Variants in MPDZ observed in about 807,000 individuals in gnomAD.
MPDZ encodes the protein multiple PDZ domain protein.
A neutral mutation model predicts 239.1 loss-of-function variants in MPDZ; 234 were observed. That is an observed-to-expected ratio of 0.98 (90% CI 0.88 to 1.09). MPDZ has a LOEUF of 1.09. Among genes scored for constraint, MPDZ ranks in the 50% least tolerant of loss-of-function variants. MPDZ has a pLI of 0.00. For missense variants in MPDZ, 3,175 were observed against 2,510.0 expected (o/e 1.26, Z -5.66); for synonymous variants, 1,048 against 881.3 (o/e 1.19, Z -3.35).
At chr9:13,226,865 A>G (rs1960790644) in intron 3 of MPDZ, among the ~76,000 whole-genome samples, 1 of 152,088 alleles carries the variant, frequency 6.6e-6, no homozygotes, top group African/African-American at 2.4e-5. Context: ...ATGTTTATCT[A>G]TTTTTTAAGG....
At chr9:13,173,342 C>T (rs1159142783) in intron 21 of MPDZ, among the ~76,000 whole-genome samples, 1 of 152,014 alleles carries the variant, frequency 6.6e-6, no homozygotes, top group African/African-American at 2.4e-5. Context: ...ATAAGAAAAT[C>T]CATATAATCT....
intron 1 of MPDZ, among the ~76,000 whole-genome samples, chr9:13,267,728 T>C (rs1372651169): frequency 6.6e-6 from 1 of 152,056 alleles, no homozygotes; most frequent in Non-Finnish European, 1.5e-5. Flanking sequence ...GAAGAAATAA[T>C]TGAGGAAGCT....
At chr9:13,113,176 C>T (rs548107981) in intron 41 of MPDZ, 122 bp from the exon 42 acceptor site, 2 of 752,454 alleles carry the variant, frequency 2.7e-6, no homozygotes, top group East Asian at 2.7e-5. Flanking sequence ...TAAGGGGGTG[C>T]TCAAAGCTGC....
intron 24 of MPDZ, among the ~76,000 whole-genome samples, chr9:13,156,823 T>G (rs1949877699): frequency 6.6e-6 from 1 of 152,208 alleles, no homozygotes; most frequent in Non-Finnish European, 1.5e-5. Flanking sequence ...TTAACTTATT[T>G]CTACCTCTAT....
At chr9:13,209,922 A>C (rs1459935989) in intron 10 of MPDZ, among the ~76,000 whole-genome samples, 2 of 152,002 alleles carry the variant, frequency 1.3e-5, no homozygotes, top group African/African-American at 4.8e-5. Flanking sequence ...AGGCTGAGCT[A>C]GGAAATCCAA....
At chr9:13,254,801 A>G (rs1969020784) in intron 1 of MPDZ, among the ~76,000 whole-genome samples, 1 of 152,230 alleles carries the variant, frequency 6.6e-6, no homozygotes, top group South Asian at 2.1e-4. Context: ...AAAAAATGCT[A>G]GTGATCATCT....
At chr9:13,262,874 T>C (rs1452983944) in intron 1 of MPDZ, among the ~76,000 whole-genome samples, 5 of 152,066 alleles carry the variant, frequency 3.3e-5, no homozygotes, top group African/African-American at 7.2e-5. Flanking sequence ...AAATAGTATA[T>C]GGGCCACATA....
Position 13,222,415 on chromosome 9 carries a change from G to T in MPDZ, c.565C>A (p.Leu189Ile), listed in dbSNP as rs771293783. The T allele has an allele frequency of 1.2e-6, 2 of 1,612,458 alleles. No homozygotes were observed. The highest frequency in any genetic ancestry group is 1.7e-6 in the Non-Finnish European group (2 of 1,179,122). The change falls in exon 6 of 47, where the codon CTT becomes ATT. Residue 189 changes from leucine to isoleucine, a missense_variant. Coordinates refer to ENST00000319217, the MANE Select transcript of MPDZ (RefSeq NM_001378778.1). Reference protein sequence around the residue: ...DGRLKETDQILAINGQALDQT... With the variant: ...DGRLKETDQIIAINGQALDQT... ...TCAAGAGCCTGTCCATTGATAGCAAGAATTTGATCAGTTTCTTTCAATCTT... is the reference window on the plus strand; with the variant it reads ...TCAAGAGCCTGTCCATTGATAGCAATAATTTGATCAGTTTCTTTCAATCTT...
intron 21 of MPDZ, among the ~76,000 whole-genome samples, chr9:13,173,507 A>T (rs1952052096): frequency 6.6e-6 from 1 of 151,972 alleles, no homozygotes; most frequent in Admixed American, 6.6e-5. Flanking sequence ...GTTCAAGACC[A>T]ACCTGGGCAA....
Position 13,172,656 on chromosome 9 carries a change from G to A in MPDZ, c.3055+3096C>T, listed in dbSNP as rs1951937925. On this transcript the variant is annotated intron_variant, in intron 21 of 46. Coordinates refer to ENST00000319217, the MANE Select transcript of MPDZ (RefSeq NM_001378778.1). ...CTCGCCTTAGCCTCCCAAAGTGCTG[G>A]GATTACAGGCGTGAGCCACCGCGCC... is the stretch of plus-strand genomic sequence containing the variant. Among the ~76,000 whole-genome samples the A allele has an allele frequency of 2.0e-5, 3 of 152,194 alleles. No individual in the cohort carries two copies. In the South Asian group the frequency reaches 6.2e-4, roughly 32 times the overall value.
chr9:13,219,358 A>C (rs567093103), intron 8 of MPDZ, among the ~76,000 whole-genome samples: 1 of 152,144 alleles, frequency 6.6e-6, no homozygotes, highest in East Asian at 1.9e-4. Context: ...ATGTTTAAGC[A>C]ACCTATTTTT....
rs185102461 is a variant in MPDZ, at chr9:13,107,271, T to C, written c.6067-160A>G. Reference sequence around the variant, plus strand: ...CTAAGCCATTAAGCAATGATGAACATAGACAAAGAAGGTCTTTCTCCTAAA... The same window carrying C: ...CTAAGCCATTAAGCAATGATGAACACAGACAAAGAAGGTCTTTCTCCTAAA... On this transcript the variant is annotated intron_variant, in intron 46 of 46. Transcript: ENST00000319217. 8.6e-4 allele frequency among the ~76,000 whole-genome samples: 131 copies of C among 152,310 alleles called. 1 individual carries two copies. The highest frequency in any genetic ancestry group is 2.6e-3 in the African/African-American group (110 of 41,574).
intron 24 of MPDZ, among the ~76,000 whole-genome samples, chr9:13,155,325 G>A (rs1443165865): frequency 6.6e-6 from 1 of 151,962 alleles, no homozygotes; most frequent in South Asian, 2.1e-4. Context: ...TCCACTTCTG[G>A]ATATATTCCC....
intron 22 of MPDZ, among the ~76,000 whole-genome samples, chr9:13,166,968 A>C (rs972843945): frequency 6.6e-6 from 1 of 152,130 alleles, no homozygotes; most frequent in African/African-American, 2.4e-5. Flanking sequence ...GGCTAGTACC[A>C]AGTACTAATT....
chr9:13,176,635 A>C (rs142114114), intron 19 of MPDZ, among the ~76,000 whole-genome samples: 1 of 152,310 alleles, frequency 6.6e-6, no homozygotes, highest in East Asian at 1.9e-4. Context: ...CCTGAAAGTC[A>C]TACATCTCAC....
intron 23 of MPDZ, among the ~76,000 whole-genome samples, chr9:13,161,148 C>T (rs1233949194): frequency 2.0e-5 from 3 of 151,864 alleles, no homozygotes; most frequent in Non-Finnish European, 4.4e-5. Context: ...ATACCTTCCC[C>T]TTCCCTGACA....
rs555225853 is a variant in MPDZ, at chr9:13,117,982, T to C, written c.5379+1520A>G. Among the ~76,000 whole-genome samples, 30 of 151,968 alleles carry C rather than the reference T, an allele frequency of 2.0e-4. No homozygotes were observed. In the South Asian group the frequency reaches 6.0e-3, roughly 31 times the overall value. ...GCCTCAGCCTCCTGAGTAGCTGGGA[T>C]TACAGGCATGCGCTACCACACCTGG... On this transcript the variant is annotated intron_variant, in intron 39 of 46. Coordinates refer to ENST00000319217, the MANE Select transcript of MPDZ (RefSeq NM_001378778.1).
At chr9:13,277,667 C>T (rs939498654) in intron 1 of MPDZ, among the ~76,000 whole-genome samples, 7 of 152,116 alleles carry the variant, frequency 4.6e-5, no homozygotes, top group African/African-American at 1.7e-4. Flanking sequence ...CGGGTTCAAG[C>T]GATTCTCCTG....
chr9:13,207,314 C>T (rs1348309989), intron 10 of MPDZ, among the ~76,000 whole-genome samples: 1 of 152,138 alleles, frequency 6.6e-6, no homozygotes, highest in African/African-American at 2.4e-5. Context: ...TAGGACAATG[C>T]TCCAAATTCT....
Sources: allele counts gnomAD v4.1 joint callset (sites outside exome capture counted in the v4.1 genomes callset), GRCh38; gene constraint gnomAD v4.1.1; transcripts MANE v1.5; gene names NCBI Gene and HGNC (gene_info 2026-07-23, HGNC 2026-07-21).